PRR15: variants seen among roughly 807,000 people sequenced by gnomAD.
PRR15 encodes the protein proline-rich protein 15.
PRR15 carries 4 observed loss-of-function variants against 3.0 expected under a neutral mutation model. The ratio of observed to expected loss-of-function variants is 1.34; its 90% CI spans 0.66 to 3.08. The LOEUF (loss-of-function observed/expected upper bound fraction) is 3.08. Ranked by LOEUF, PRR15 falls within the 30% of genes most tolerant of loss-of-function variation. The pLI, the probability that PRR15 is intolerant of heterozygous loss-of-function variation, is 0.01. For synonymous variants in PRR15, 82 were observed against 79.8 expected (o/e 1.03, Z -0.14); for missense variants, 200 against 179.5 (o/e 1.11, Z -0.65).
chr7:29,566,536 C>T lies in PRR15; in HGVS notation c.207C>T (p.Gly69=), dbSNP rs752841322. The T allele has an allele frequency of 1.2e-6, 2 of 1,606,432 alleles. No homozygotes were observed. Among genetic ancestry groups the T allele is most frequent in the East Asian group, 2.2e-5 (1 of 44,462 alleles). The stretch of plus-strand genomic sequence containing the variant: ...ACCCCAATCTCCTCGGGGGCGCCGG[C>T]GAGCCCCCCAAACCAGACAAGTTAT... ...NQHPNLLGGA[G]EPPKPDKLYG... The change falls in exon 2 of 2, where the codon GGC becomes GGT. Residue 69 remains glycine (G), a synonymous_variant. Coordinates refer to ENST00000319694, the MANE Select transcript of PRR15 (RefSeq NM_175887.3).
At position 29,566,289 on chromosome 7, in the gene PRR15, C is replaced by T; in HGVS notation, c.-41C>T. Reference sequence around the variant, plus strand: ...CACGTGGAGAAAGGGGCCGCTTTGGCCCTTCCATCTGGGTGCCGGGAGCCC... The same window carrying T: ...CACGTGGAGAAAGGGGCCGCTTTGGTCCTTCCATCTGGGTGCCGGGAGCCC... On this transcript the variant is annotated 5_prime_UTR_variant, in exon 2 of 2. Transcript: ENST00000319694. 1.3e-6 allele frequency: 2 copies of T among 1,564,656 alleles called. No individual in the cohort carries two copies. Among genetic ancestry groups the T allele is most frequent in the Non-Finnish European group, 1.7e-6 (2 of 1,162,782 alleles).
At position 29,566,534 on chromosome 7, in the gene PRR15, G is replaced by T. The variant is rs765706593; in HGVS notation, c.205G>T (p.Gly69Cys). The change falls in exon 2 of 2, where the codon GGC (glycine) becomes TGC (cysteine). Residue 69 changes from glycine (G) to cysteine (C), a missense_variant. By Grantham distance (159) the Gly-to-Cys change is radical. Coordinates refer to ENST00000319694, the MANE Select transcript of PRR15 (RefSeq NM_175887.3). ...GCACCCCAATCTCCTCGGGGGCGCC[G>T]GCGAGCCCCCCAAACCAGACAAGTT... ...NQHPNLLGGAGEPPKPDKLYG... is the reference protein window; with the variant it reads ...NQHPNLLGGACEPPKPDKLYG... The T allele has an allele frequency of 3.7e-6, 6 of 1,606,586 alleles. No homozygotes were observed. The East Asian group carries it at 1.1e-4, about 30-fold the overall frequency.
In PRR15 at chr7:29,563,935, G is replaced by A. The variant is rs1005677136; in HGVS notation, c.-588G>A. 6.6e-6 allele frequency: 1 copy of A among 152,252 alleles called. No homozygotes were observed. The highest frequency in any genetic ancestry group is 2.4e-5 in the African/African-American group (1 of 41,460). The allele number at this position is 152,252 out of a possible 1,614,324, so 9.4% of individuals were successfully genotyped here. A position where few individuals can be genotyped will look rare whatever the true frequency, so the allele number is the denominator to read the frequency against. On this transcript the variant is annotated 5_prime_UTR_variant, in exon 1 of 2. Transcript: ENST00000319694. ...CAGATGTCTTTTTTGCGTTCCTACGGACGCGTAGGCAAGTTCGATGCGCCG... is the reference window on the plus strand; with the variant it reads ...CAGATGTCTTTTTTGCGTTCCTACGAACGCGTAGGCAAGTTCGATGCGCCG...
rs769849129 is a variant in PRR15 at position 29,566,487 on chromosome 7, C to A, written c.158C>A (p.Thr53Asn). The change falls in exon 2 of 2, where the codon ACC (threonine) becomes AAC (asparagine). Residue 53 changes from threonine to asparagine, a missense_variant. Physicochemically the swap from Thr to Asn is moderately conservative, Grantham distance 65 (BLOSUM62 0). Coordinates refer to ENST00000319694, the MANE Select transcript of PRR15 (RefSeq NM_175887.3). Reference sequence around the variant, plus strand: ...CCTGCGCCGCCCAGCCCGGACTGGACCAGCAGCTCCCGGGAGAACCAGCAC... The same window carrying A: ...CCTGCGCCGCCCAGCCCGGACTGGAACAGCAGCTCCCGGGAGAACCAGCAC... ...TPPAPPSPDW[T>N]SSSRENQHPN... The A allele has an allele frequency of 6.3e-7, 1 of 1,599,186 alleles. No individual in the cohort carries two copies. The highest frequency in any genetic ancestry group is 1.3e-5 in the African/African-American group (1 of 74,552).
In PRR15 at chr7:29,566,839, A is replaced by G; in HGVS notation, c.*120A>G. ...TGTCTCATTCCACCAAATTCAGAAT[A>G]TTTACACAATGCCTTCATGATTTTA... On this transcript the variant is annotated 3_prime_UTR_variant, in exon 2 of 2. Transcript: ENST00000319694. 1 of 942,902 alleles carries G rather than the reference A, an allele frequency of 1.1e-6. No homozygotes were observed. The highest frequency in any genetic ancestry group is 1.5e-6 in the Non-Finnish European group (1 of 646,274). The allele number at this position is 942,902 out of a possible 1,614,324, so 58.4% of individuals were successfully genotyped here.
chr7:29,564,732 A>C (rs1223897248), intron 1 of PRR15, among the ~76,000 whole-genome samples: 2 of 152,222 alleles, frequency 1.3e-5, no homozygotes, highest in African/African-American at 4.8e-5. Context: ...GGATGTTTGC[A>C]GACGCAGTTG....
intron 1 of PRR15, 32 bp downstream of exon 1, chr7:29,564,409 G>C (rs762664342): frequency 6.6e-6 from 1 of 152,272 alleles, no homozygotes; most frequent in African/African-American, 2.4e-5. Flanking sequence ...GGCGTCCGCC[G>C]AGACAGAGCC....
At chr7:29,565,447 G>A (rs1792875152) in intron 1 of PRR15, 2 of 152,158 alleles carry the variant, frequency 1.3e-5, no homozygotes, top group African/African-American at 2.4e-5. Flanking sequence ...TTGGGCTCTG[G>A]GGAGTAAAAG....
In PRR15 at chr7:29,567,152, T is replaced by C; in HGVS notation, c.*433T>C. On this transcript the variant is annotated 3_prime_UTR_variant, in exon 2 of 2. Transcript: ENST00000319694. ...GAGAAATGCACTTTAGGGGTAGACT[T>C]ATACCTTAAGTGAAGGAGTGGGGGA... 5.7e-6 allele frequency: 1 copy of C among 175,384 alleles called. No individual in the cohort carries two copies. 10.9% of individuals were successfully genotyped at this position (175,384 alleles called of 1,614,324 possible). A position where few individuals can be genotyped will look rare whatever the true frequency, so the allele number is the denominator to read the frequency against.
chr7:29,566,952 T>TA lies in PRR15; in HGVS notation c.*234dup, dbSNP rs1413380874. ...AATATTTATTTGTGGTAAGAGAAGA[T>TA]ACCTGCCGCGGAGGAGGGTGGCATA... is the stretch of plus-strand genomic sequence containing the variant. On this transcript the variant is annotated 3_prime_UTR_variant, in exon 2 of 2. Transcript: ENST00000319694. 7.1e-4 allele frequency: 325 copies of TA among 457,168 alleles called. 2 individuals are homozygous for TA. Among genetic ancestry groups the TA allele is most frequent in the Non-Finnish European group, 1.5e-4 (38 of 259,386 alleles). The allele number at this position is 457,168 out of a possible 1,614,324, so 28.3% of individuals were successfully genotyped here. A position where few individuals can be genotyped will look rare whatever the true frequency, so the allele number is the denominator to read the frequency against.
chr7:29,563,959 C>G lies in PRR15; in HGVS notation c.-564C>G, dbSNP rs1301161058. The G allele has an allele frequency of 6.6e-6, 1 of 152,288 alleles. No individual in the cohort carries two copies. Among genetic ancestry groups the G allele is most frequent in the Non-Finnish European group, 1.5e-5 (1 of 68,082 alleles). 9.4% of individuals were successfully genotyped at this position (152,288 alleles called of 1,614,324 possible). A position where few individuals can be genotyped will look rare whatever the true frequency, so the allele number is the denominator to read the frequency against. On this transcript the variant is annotated 5_prime_UTR_variant, in exon 1 of 2. Coordinates refer to ENST00000319694, the MANE Select transcript of PRR15 (RefSeq NM_175887.3). ...GGACGCGTAGGCAAGTTCGATGCGC[C>G]GGAGTGAACAGCCAGGGTCCCATCT...
rs750689798 is a variant in PRR15 at position 29,564,882 on chromosome 7, A to T, written c.-146+505A>T. ...AGCCGGTGTTGCGGTTTCGGGGCGC[A>T]GCCGAGGCCGCCCCGCCGCCTCCCG... On this transcript the variant is annotated intron_variant, in intron 1 of 1. Coordinates refer to ENST00000319694, the MANE Select transcript of PRR15 (RefSeq NM_175887.3). 5.2e-4 allele frequency among the ~76,000 whole-genome samples: 79 copies of T among 152,192 alleles called. 1 individual carries two copies. Among genetic ancestry groups the T allele is most frequent in the Middle Eastern group, 3.4e-3 (1 of 294 alleles).
chr7:29,566,911 C>G lies in PRR15; in HGVS notation c.*192C>G, dbSNP rs1792924586. ...CAATTGGGTTCTCAATATTTCATGA[C>G]TCCAAGGATGCATTAAATATTTATT... On this transcript the variant is annotated 3_prime_UTR_variant, in exon 2 of 2. Transcript: ENST00000319694. 1.9e-6 allele frequency: 1 copy of G among 531,620 alleles called. No individual in the cohort carries two copies. The highest frequency in any genetic ancestry group is 3.8e-5 in the Admixed American group (1 of 26,424). The allele number at this position is 531,620 out of a possible 1,614,324, so 32.9% of individuals were successfully genotyped here.
chr7:29,565,413 G>T (rs1382148391), intron 1 of PRR15: 3 of 152,168 alleles, frequency 2.0e-5, no homozygotes, highest in Non-Finnish European at 4.4e-5. Context: ...CGTCAGCCGG[G>T]GGTGACTTCA....
chr7:29,566,736 G>T lies in PRR15; in HGVS notation c.*17G>T. ...AAGCAGTAGCCCCAATAGCCTGCGC[G>T]CTCCAGGACTGCCTACCCAGCACTA... On this transcript the variant is annotated 3_prime_UTR_variant, in exon 2 of 2. Transcript: ENST00000319694. 2 of 1,529,626 alleles carry T rather than the reference G, an allele frequency of 1.3e-6. No individual in the cohort carries two copies. Among genetic ancestry groups the T allele is most frequent in the South Asian group, 1.2e-5 (1 of 80,562 alleles). 94.8% of individuals were successfully genotyped at this position (1,529,626 alleles called of 1,614,324 possible). A position where few individuals can be genotyped will look rare whatever the true frequency, so the allele number is the denominator to read the frequency against.
rs546817269 is a variant in PRR15, at chr7:29,564,775, T to C, written c.-146+398T>C. 4.0e-4 allele frequency among the ~76,000 whole-genome samples: 61 copies of C among 152,272 alleles called. 1 individual carries two copies. The highest frequency in any genetic ancestry group is 1.4e-3 in the African/African-American group (57 of 41,580). Reference sequence around the variant, plus strand: ...TGCCTGAGGGCGTGGGTGCCTTTTGTACCGAAAGAACTTTTGGCCGTTTTT... The same window carrying C: ...TGCCTGAGGGCGTGGGTGCCTTTTGCACCGAAAGAACTTTTGGCCGTTTTT... On this transcript the variant is annotated intron_variant, in intron 1 of 1. Coordinates refer to ENST00000319694, the MANE Select transcript of PRR15 (RefSeq NM_175887.3).
Position 29,566,842 on chromosome 7 carries a change from T to G in PRR15, c.*123T>G. On this transcript the variant is annotated 3_prime_UTR_variant, in exon 2 of 2. Coordinates refer to ENST00000319694, the MANE Select transcript of PRR15 (RefSeq NM_175887.3). ...CTCATTCCACCAAATTCAGAATATT[T>G]ACACAATGCCTTCATGATTTTATTT... The G allele has an allele frequency of 1.1e-6, 1 of 922,078 alleles. No homozygotes were observed. Among genetic ancestry groups the G allele is most frequent in the Non-Finnish European group, 1.6e-6 (1 of 628,280 alleles). 57.1% of individuals were successfully genotyped at this position (922,078 alleles called of 1,614,324 possible). A position where few individuals can be genotyped will look rare whatever the true frequency, so the allele number is the denominator to read the frequency against.
Position 29,567,053 on chromosome 7 carries a change from G to T in PRR15, c.*334G>T. 3.8e-6 allele frequency: 1 copy of T among 261,750 alleles called. No homozygotes were observed. The highest frequency in any genetic ancestry group is 7.6e-6 in the Non-Finnish European group (1 of 131,180). The allele number at this position is 261,750 out of a possible 1,614,324, so 16.2% of individuals were successfully genotyped here. On this transcript the variant is annotated 3_prime_UTR_variant, in exon 2 of 2. Coordinates refer to ENST00000319694, the MANE Select transcript of PRR15 (RefSeq NM_175887.3). ...GTCACAGCTCAGCTTGAACTCTGTA[G>T]CCTCTCAAATGAAGAAGGTGGCTGT...
rs1325917272 is a variant in PRR15 at position 29,566,652 on chromosome 7, TCCCGGAGGCGGGCAGGTC to T, written c.332_349del (p.Ala111_Glu116del). 3.8e-6 allele frequency: 6 copies of T among 1,584,270 alleles called. No individual in the cohort carries two copies. The Admixed American group carries it at 1.1e-4, about 28-fold the overall frequency. ...AAGAGGAAAGTGCGCGCCACGCTGCTCCCGGAGGCGGGCAGGTCCCCGGAGGAGGCAGGCTTTCCTGGT... is the reference window on the plus strand; with the variant it reads ...AAGAGGAAAGTGCGCGCCACGCTGCTCCCGGAGGAGGCAGGCTTTCCTGGT... On this transcript the variant is annotated inframe_deletion, in exon 2 of 2. Transcript: ENST00000319694.
Sources: allele counts gnomAD v4.1 joint callset (sites outside exome capture counted in the v4.1 genomes callset), GRCh38; gene constraint gnomAD v4.1.1; transcripts MANE v1.5; gene names NCBI Gene and HGNC (gene_info 2026-07-23, HGNC 2026-07-21).